CLHC1: variants seen among roughly 807,000 people sequenced by gnomAD.
The protein encoded by CLHC1 is clathrin heavy chain linker domain containing 1.
In CLHC1, 72 loss-of-function variants were observed where a neutral mutation model predicts 69.5. The observed-to-expected ratio is 1.04, with a 90% CI of 0.86 to 1.26. The LOEUF (loss-of-function observed/expected upper bound fraction) is 1.26. Ranked by LOEUF, CLHC1 falls within the 50% of genes most tolerant of loss-of-function variation. The pLI is 0.00. For missense variants in CLHC1, 790 were observed against 679.3 expected, an observed-to-expected ratio of 1.16 and a Z score of -1.81; for synonymous variants, 223 against 224.3, an observed-to-expected ratio of 0.99 and a Z score of 0.05.
intron 9 of CLHC1, among the ~76,000 whole-genome samples, chr2:55,192,842 T>G (rs1031885021): frequency 6.6e-6 from 1 of 151,294 alleles, no homozygotes; most frequent in Non-Finnish European, 1.5e-5. Context: ...ATCATGTATC[T>G]GAATGTGTAA....
chr2:55,218,679 T>A (rs1407593240), intron 3 of CLHC1: 1 of 152,230 alleles, frequency 6.6e-6, no homozygotes, highest in Non-Finnish European at 1.5e-5. Context: ...TTTACTGGTT[T>A]ATTTATTCAT....
rs1157790760 is a variant in CLHC1 at position 55,174,034 on chromosome 2, T to C, written c.*1756A>G. Among the ~76,000 whole-genome samples, 1 of 151,712 alleles carries C rather than the reference T, an allele frequency of 6.6e-6. No homozygotes were observed. The highest frequency in any genetic ancestry group is 1.5e-5 in the Non-Finnish European group (1 of 67,944). On this transcript the variant is annotated 3_prime_UTR_variant, in exon 13 of 13. Transcript: ENST00000401408. ...AAGGAAAAAAAAAAAAAAAAAGGTTTTAAGCCGTTGGCACACAAAGAACCA... is the reference window on the plus strand; with the variant it reads ...AAGGAAAAAAAAAAAAAAAAAGGTTCTAAGCCGTTGGCACACAAAGAACCA...
chr2:55,206,495 G>A (rs575300087), intron 8 of CLHC1, 119 bp from the exon 9 acceptor site: 1 of 660,712 alleles, frequency 1.5e-6, no homozygotes, highest in Non-Finnish European at 2.7e-6. Context: ...AAACAAAAAG[G>A]AATTCTAATA....
intron 9 of CLHC1, among the ~76,000 whole-genome samples, chr2:55,197,451 A>C (rs540961689): frequency 2.4e-4 from 37 of 152,328 alleles, no homozygotes; most frequent in African/African-American, 1.7e-4. Context: ...TGGTGACCAC[A>C]GTGGTGCTTG....
intron 9 of CLHC1, among the ~76,000 whole-genome samples, chr2:55,186,039 A>G (rs1038640056): frequency 2.6e-5 from 4 of 152,150 alleles, no homozygotes; most frequent in Non-Finnish European, 5.9e-5. Flanking sequence ...AAGATCTAAG[A>G]CTCTGAAAAC....
rs766350012 is a variant in CLHC1, at chr2:55,175,751, G to A, written c.*39C>T. On this transcript the variant is annotated 3_prime_UTR_variant, in exon 13 of 13. Coordinates refer to ENST00000401408, the MANE Select transcript of CLHC1 (RefSeq NM_152385.4). Reference sequence around the variant, plus strand: ...AGTTTTTCCCAACCAGCATACATAAGGTGTTGTACAAGCTCCCTCAGCTGG... The same window carrying A: ...AGTTTTTCCCAACCAGCATACATAAAGTGTTGTACAAGCTCCCTCAGCTGG... The A allele has an allele frequency of 6.9e-7, 1 of 1,445,008 alleles. No homozygotes were observed. The highest frequency in any genetic ancestry group is 2.3e-5 in the East Asian group (1 of 43,798). 89.5% of individuals were successfully genotyped at this position (1,445,008 alleles called of 1,614,324 possible). A position where few individuals can be genotyped will look rare whatever the true frequency, so the allele number is the denominator to read the frequency against.
In CLHC1 at chr2:55,176,546, T is replaced by A. The variant is rs116964887; in HGVS notation, c.1565-560A>T. ...AAATATTTTTCTTAAGGAAATAAAA[T>A]CATTTTGTTTGTTAAAGAAATTTAA... On this transcript the variant is annotated intron_variant, in intron 12 of 12. Transcript: ENST00000401408. Among the ~76,000 whole-genome samples the A allele has an allele frequency of 1.7e-3, 264 of 152,296 alleles. 7 individuals carry two copies. The East Asian group carries it at 0.042, about 24-fold the overall frequency.
chr2:55,181,233 G>A (rs1010231856), intron 10 of CLHC1, among the ~76,000 whole-genome samples: 1 of 151,712 alleles, frequency 6.6e-6, no homozygotes, highest in Non-Finnish European at 1.5e-5. Flanking sequence ...TGCCCACCTC[G>A]GACTCCCAAA....
rs1672774069 is a variant in CLHC1, at chr2:55,209,492, T to C, written c.726A>G (p.Ser242=). Residue 242 remains serine, a synonymous_variant, in exon 7 of 13, where the codon TCA becomes TCG. Coordinates refer to ENST00000401408, the MANE Select transcript of CLHC1 (RefSeq NM_152385.4). ...QFCHQRLQII[S]QALSSWVKSD... ...ATTTTACCCATGAACTAAGTGCCTG[T>C]GAAATTATCTGCAGTCTTTGATGAC... The C allele has an allele frequency of 2.5e-6, 4 of 1,610,756 alleles. No homozygotes were observed. In the South Asian group the frequency reaches 4.4e-5, roughly 18 times the overall value.
chr2:55,206,394 T>A lies in CLHC1; in HGVS notation c.900-18A>T. 7.6e-7 allele frequency: 1 copy of A among 1,322,448 alleles called. No homozygotes were observed. The highest frequency in any genetic ancestry group is 1.1e-6 in the Non-Finnish European group (1 of 916,938). 81.9% of individuals were successfully genotyped at this position (1,322,448 alleles called of 1,614,324 possible). A position where few individuals can be genotyped will look rare whatever the true frequency, so the allele number is the denominator to read the frequency against. ...CATTAAACCTATAGCCATCACATTT[T>A]AAAATGCATTATAATGACACAAAGA... is the stretch of plus-strand genomic sequence containing the variant. On this transcript the variant is annotated intron_variant, in intron 8 of 12. Coordinates refer to ENST00000401408, the MANE Select transcript of CLHC1 (RefSeq NM_152385.4).
Position 55,180,713 on chromosome 2 carries a change from C to A in CLHC1, c.1182-1G>T, listed in dbSNP as rs1294598525. ...CCCAGCCTCCTCAGAAAATGTCAGT[C>A]TAGAACAAGCAGATCAATAAGACAT... On this transcript the variant is annotated splice_acceptor_variant, in intron 10 of 12. Transcript: ENST00000401408. LOFTEE classifies it high-confidence loss of function. 2.6e-5 allele frequency: 42 copies of A among 1,612,852 alleles called. No individual in the cohort carries two copies. Among genetic ancestry groups the A allele is most frequent in the Non-Finnish European group, 3.6e-5 (42 of 1,179,128 alleles).
intron 4 of CLHC1, 80 bp downstream of exon 4, chr2:55,217,731 C>A (rs1401384995): frequency 4.8e-6 from 4 of 829,272 alleles, no homozygotes; most frequent in Non-Finnish European, 7.1e-6. Flanking sequence ...GACTAAGAAC[C>A]ACCAGCTAGA....
intron 4 of CLHC1, among the ~76,000 whole-genome samples, chr2:55,217,209 C>A (rs903636688): frequency 1.3e-5 from 2 of 150,052 alleles, no homozygotes; most frequent in African/African-American, 2.5e-5. Context: ...AACAAAAAGA[C>A]TATAACTGCC....
intron 6 of CLHC1, 33 bp downstream of exon 6, chr2:55,209,597 C>G: frequency 1.2e-6 from 2 of 1,602,412 alleles, no homozygotes; most frequent in Non-Finnish European, 1.7e-6. Context: ...AATAAAACTC[C>G]AAACTTTAAA....
rs1321312040 is a variant in CLHC1 at position 55,175,467 on chromosome 2, C to G, written c.*323G>C. 4.2e-6 allele frequency: 1 copy of G among 235,552 alleles called. No homozygotes were observed. The highest frequency in any genetic ancestry group is 2.2e-5 in the African/African-American group (1 of 44,684). 14.6% of individuals were successfully genotyped at this position (235,552 alleles called of 1,614,324 possible). ...CTACCCACACCTTCCTCAGTTCTTG[C>G]TATCATATTACATCACCAGAAAGTA... On this transcript the variant is annotated 3_prime_UTR_variant, in exon 13 of 13. Transcript: ENST00000401408.
At chr2:55,204,161 G>C (rs1046364580) in intron 9 of CLHC1, among the ~76,000 whole-genome samples, 2 of 152,136 alleles carry the variant, frequency 1.3e-5, no homozygotes, top group Non-Finnish European at 2.9e-5. Flanking sequence ...GTGCATGCTT[G>C]TAATCCCAGC....
At chr2:55,226,400 G>C (rs1674714302) in intron 2 of CLHC1, among the ~76,000 whole-genome samples, 1 of 151,864 alleles carries the variant, frequency 6.6e-6, no homozygotes, top group Admixed American at 6.6e-5. Context: ...ATATAAACCA[G>C]ACAAAATTAA....
In CLHC1 at chr2:55,217,945, T is replaced by C. The variant is rs146314706; in HGVS notation, c.231A>G (p.Glu77=). The C allele has an allele frequency of 4.4e-6, 7 of 1,588,642 alleles. No homozygotes were observed. The highest frequency in any genetic ancestry group is 5.1e-6 in the Non-Finnish European group (6 of 1,167,494). Residue 77 remains glutamate (E), a synonymous_variant, in exon 4 of 13, where the codon GAA becomes GAG. Coordinates refer to ENST00000401408, the MANE Select transcript of CLHC1 (RefSeq NM_152385.4). ...TTATTGTCTCAATAAAGGCATCATA[T>C]TCTTTTTTGATTGAAGTAAGAATGG... ...YKSILTSIKK[E]YDAFIETIKK... is the part of the protein sequence containing the mutation.
chr2:55,184,249 T>C (rs567376446), intron 9 of CLHC1, among the ~76,000 whole-genome samples: 1 of 151,844 alleles, frequency 6.6e-6, no homozygotes, highest in African/African-American at 2.4e-5. Context: ...GGGACTATAG[T>C]AATGTGCCAC....
Sources: allele counts gnomAD v4.1 joint callset (sites outside exome capture counted in the v4.1 genomes callset), GRCh38; gene constraint gnomAD v4.1.1; transcripts MANE v1.5; gene names NCBI Gene and HGNC (gene_info 2026-07-23, HGNC 2026-07-21).